LUZP2: variants seen among roughly 807,000 people sequenced by gnomAD.
LUZP2 encodes leucine zipper protein 2.
LUZP2 carries 52 observed loss-of-function variants against 51.6 expected under a neutral mutation model. That is an observed-to-expected ratio of 1.01 (90% confidence interval 0.81 to 1.27). LUZP2 has a LOEUF of 1.27. Ranked by LOEUF, LUZP2 falls within the 50% of genes most tolerant of loss-of-function variation. LUZP2 has a pLI of 0.00. For missense variants in LUZP2, 436 were observed against 395.4 expected (o/e 1.10, Z -0.87); for synonymous variants, 154 against 137.3 (o/e 1.12, Z -0.85).
chr11:24,528,610 C>T lies in LUZP2; in HGVS notation c.62+31305C>T, dbSNP rs12274494. On this transcript the variant is annotated intron_variant, in intron 1 of 11. Transcript: ENST00000336930. Reference sequence around the variant, plus strand: ...CCAGTGACTTGTCTGAGGACATGCTCACTCTTCATTAATCCTCATCAAAAT... The same window carrying T: ...CCAGTGACTTGTCTGAGGACATGCTTACTCTTCATTAATCCTCATCAAAAT... 4.5e-3 allele frequency among the ~76,000 whole-genome samples: 683 copies of T among 151,232 alleles called. 4 individuals carry two copies. The highest frequency in any genetic ancestry group is 0.016 in the African/African-American group (652 of 41,444).
At chr11:24,614,478 A>G (rs1359361689) in intron 1 of LUZP2, among the ~76,000 whole-genome samples, 7 of 152,062 alleles carry the variant, frequency 4.6e-5, no homozygotes, top group Non-Finnish European at 1.0e-4. Flanking sequence ...GCCTTTTATT[A>G]TCACTAGTAG....
intron 1 of LUZP2, among the ~76,000 whole-genome samples, chr11:24,541,287 T>C (rs956082934): frequency 1.4e-5 from 2 of 142,964 alleles, no homozygotes; most frequent in African/African-American, 5.2e-5. Flanking sequence ...AGGAGTGAGG[T>C]GATGGCATTC....
chr11:25,028,980 G>A lies in LUZP2; in HGVS notation c.766-21058G>A, dbSNP rs114829003. Among the ~76,000 whole-genome samples, 444 of 152,170 alleles carry A rather than the reference G, an allele frequency of 2.9e-3. 3 individuals carry two copies. The highest frequency in any genetic ancestry group is 1.0e-2 in the African/African-American group (415 of 41,504). On this transcript the variant is annotated intron_variant, in intron 9 of 11. Coordinates refer to ENST00000336930, the MANE Select transcript of LUZP2 (RefSeq NM_001009909.4). Reference sequence around the variant, plus strand: ...TCATTAAGTGAAATAAGCCAGGCACGGAAAGACAAGCATCACATGTTCTCA... The same window carrying A: ...TCATTAAGTGAAATAAGCCAGGCACAGAAAGACAAGCATCACATGTTCTCA...
chr11:24,607,189 T>C (rs1853951449), intron 1 of LUZP2, among the ~76,000 whole-genome samples: 1 of 151,416 alleles, frequency 6.6e-6, no homozygotes, highest in Admixed American at 6.6e-5. Context: ...GCTTTTGATG[T>C]CAAATCCAAA....
chr11:24,711,223 G>C (rs1268316263), intron 1 of LUZP2, among the ~76,000 whole-genome samples: 1 of 152,116 alleles, frequency 6.6e-6, no homozygotes, highest in Non-Finnish European at 1.5e-5. Context: ...GCCAAGGCGG[G>C]CGGATCACGA....
At chr11:24,869,639 A>C (rs10834513) in intron 5 of LUZP2, among the ~76,000 whole-genome samples, 21,702 of 151,942 alleles carry the variant, frequency 0.14, 1,637 homozygotes, top group African/African-American at 0.17. Context: ...ATCTGTGCTT[A>C]GTGAACTTTG....
intron 1 of LUZP2, among the ~76,000 whole-genome samples, chr11:24,599,892 A>T (rs1303711503): frequency 1.3e-5 from 2 of 152,092 alleles, no homozygotes; most frequent in Non-Finnish European, 2.9e-5. Context: ...AGTTCTTTGC[A>T]TCTTATTTTC....
At chr11:24,873,935 A>C (rs1011736307) in intron 5 of LUZP2, among the ~76,000 whole-genome samples, 1 of 152,082 alleles carries the variant, frequency 6.6e-6, no homozygotes. Context: ...GATTCTGTAG[A>C]TCTTCCTCTT....
chr11:24,502,116 T>C (rs959408174), intron 1 of LUZP2, among the ~76,000 whole-genome samples: 1 of 140,204 alleles, frequency 7.1e-6, no homozygotes, highest in South Asian at 2.1e-4. Flanking sequence ...GTGGAAACAG[T>C]TTAGCATATT....
chr11:24,987,371 G>A (rs911838010), intron 9 of LUZP2, among the ~76,000 whole-genome samples: 1 of 151,764 alleles, frequency 6.6e-6, no homozygotes, highest in Non-Finnish European at 1.5e-5. Flanking sequence ...TTAGTGTCAG[G>A]GATCATAATA....
intron 1 of LUZP2, among the ~76,000 whole-genome samples, chr11:24,698,494 A>G (rs1260777305): frequency 6.6e-6 from 1 of 152,178 alleles, no homozygotes; most frequent in East Asian, 1.9e-4. Context: ...TAGTTCTTCA[A>G]AAAAGGCTTC....
At chr11:24,517,518 A>G (rs1850511328) in intron 1 of LUZP2, among the ~76,000 whole-genome samples, 1 of 140,364 alleles carries the variant, frequency 7.1e-6, no homozygotes. Context: ...AAAAAATTGT[A>G]GGTACATATT....
chr11:24,761,740 A>C (rs989337103), intron 4 of LUZP2, among the ~76,000 whole-genome samples: 1 of 152,192 alleles, frequency 6.6e-6, no homozygotes, highest in Admixed American at 6.5e-5. Context: ...TACCATAACA[A>C]ATTCACTAGC....
chr11:25,009,230 A>G (rs1211885765), intron 9 of LUZP2, among the ~76,000 whole-genome samples: 1 of 152,202 alleles, frequency 6.6e-6, no homozygotes, highest in African/African-American at 2.4e-5. Flanking sequence ...TCATTTGTTT[A>G]TGATTACATA....
chr11:24,908,749 GT>G (rs946646529), intron 6 of LUZP2, among the ~76,000 whole-genome samples: 5 of 145,134 alleles, frequency 3.4e-5, no homozygotes, highest in African/African-American at 1.0e-4. Flanking sequence ...TTTGTTGTTT[GT>G]TTTTTTTCTT....
chr11:24,754,200 T>C (rs1484917134), intron 4 of LUZP2, among the ~76,000 whole-genome samples: 1 of 152,198 alleles, frequency 6.6e-6, no homozygotes, highest in Non-Finnish European at 1.5e-5. Flanking sequence ...TTTCACTATG[T>C]TGCCCAGACT....
intron 1 of LUZP2, among the ~76,000 whole-genome samples, chr11:24,687,259 A>T (rs67068251): frequency 7.0e-6 from 1 of 142,856 alleles, no homozygotes; most frequent in African/African-American, 2.6e-5. Context: ...TAAAAAAAAA[A>T]TTTGAAACTT....
At chr11:24,860,252 C>T (rs1024008341) in intron 5 of LUZP2, among the ~76,000 whole-genome samples, 7 of 152,152 alleles carry the variant, frequency 4.6e-5, no homozygotes, top group Non-Finnish European at 1.0e-4. Context: ...CCTGCAGGAA[C>T]TCGAGTAACC....
intron 7 of LUZP2, among the ~76,000 whole-genome samples, chr11:24,919,947 A>G (rs960453329): frequency 1.3e-5 from 2 of 151,760 alleles, no homozygotes; most frequent in Non-Finnish European, 3.0e-5. Context: ...GTTAGCTAAG[A>G]AATTTTATGA....
Sources: allele counts gnomAD v4.1 joint callset (sites outside exome capture counted in the v4.1 genomes callset), GRCh38; gene constraint gnomAD v4.1.1; transcripts MANE v1.5; gene names NCBI Gene and HGNC (gene_info 2026-07-23, HGNC 2026-07-21).